TMEM114: variants seen among roughly 807,000 people sequenced by gnomAD.
The protein encoded by TMEM114 is transmembrane protein 114, also known as claudin-26.
Under a neutral mutation model 6.2 loss-of-function variants are expected in TMEM114, and 6 were observed. The observed-to-expected ratio is 0.97, with a 90% CI of 0.53 to 1.91. The LOEUF (loss-of-function observed/expected upper bound fraction) is 1.91, where lower values mean the gene tolerates loss of function less well. TMEM114 is among the 40% of genes most tolerant of loss of function. The pLI, the probability that TMEM114 is intolerant of heterozygous loss-of-function variation, is 0.01. For synonymous variants in TMEM114, 104 were observed against 73.0 expected, an observed-to-expected ratio of 1.42 and a Z score of -2.16; for missense variants, 218 against 158.3, an observed-to-expected ratio of 1.38 and a Z score of -2.02.
the TMEM114 span, among the ~76,000 whole-genome samples, chr16:8,531,162 A>G: frequency 6.6e-6 from 1 of 152,250 alleles, no homozygotes; most frequent in South Asian, 2.1e-4. Flanking sequence ...ACTACTCTTT[A>G]TATAGTTACT....
chr16:8,535,880 C>A (rs913387654), downstream of TMEM114, among the ~76,000 whole-genome samples: 1 of 152,136 alleles, frequency 6.6e-6, no homozygotes, highest in Non-Finnish European at 1.5e-5. Flanking sequence ...CGATCCTGAG[C>A]AAGTGTCTTA....
chr16:8,554,680 A>G (rs1443144612), intron 2 of TMEM114, among the ~76,000 whole-genome samples: 1 of 123,158 alleles, frequency 8.1e-6, no homozygotes, highest in African/African-American at 3.2e-5. Flanking sequence ...GAGTGAGGCC[A>G]GGTTCAAAAT....
At chr16:8,584,486 T>C (rs999155419) in intron 2 of TMEM114, among the ~76,000 whole-genome samples, 1 of 152,170 alleles carries the variant, frequency 6.6e-6, no homozygotes, top group African/African-American at 2.4e-5. Flanking sequence ...CCTGTTTCAT[T>C]GAAAACTTCT....
chr16:8,589,870 C>T lies in TMEM114; in HGVS notation c.-32G>A, dbSNP rs1469640508. The T allele has an allele frequency of 1.3e-5, 5 of 395,842 alleles. No homozygotes were observed. Among genetic ancestry groups the T allele is most frequent in the Non-Finnish European group, 2.2e-5 (5 of 224,350 alleles). The allele number at this position is 395,842 out of a possible 1,614,324, so 24.5% of individuals were successfully genotyped here. A position where few individuals can be genotyped will look rare whatever the true frequency, so the allele number is the denominator to read the frequency against. On this transcript the variant is annotated 5_prime_UTR_variant, in exon 1 of 4. Coordinates refer to ENST00000620492, the MANE Select transcript of TMEM114 (RefSeq NM_001146336.2). ...GCCCAGGACCAGCAGCCGCGGGTTC[C>T]AGTGGCCGCGGCGCGACCCCTCTGC...
the TMEM114 span, chr16:8,532,126 A>G: frequency 2.6e-5 from 4 of 152,342 alleles, no homozygotes; most frequent in Non-Finnish European, 5.9e-5. Context: ...GTTCAGCTCC[A>G]ACACACCAAT....
chr16:8,527,857 C>T, the TMEM114 span, among the ~76,000 whole-genome samples: 1 of 152,150 alleles, frequency 6.6e-6, no homozygotes, highest in Non-Finnish European at 1.5e-5. Flanking sequence ...TTATTTCCCC[C>T]TCCTCATCAC....
intron 2 of TMEM114, among the ~76,000 whole-genome samples, chr16:8,561,982 G>A (rs1901235125): frequency 6.6e-6 from 1 of 151,742 alleles, no homozygotes. Flanking sequence ...GTGAGTGAAT[G>A]AGTGAGTATA....
intron 2 of TMEM114, among the ~76,000 whole-genome samples, chr16:8,562,161 T>C (rs766793748): frequency 4.0e-5 from 6 of 150,674 alleles, no homozygotes; most frequent in African/African-American, 7.4e-5. Context: ...AATAAGTGAG[T>C]TAGTGAATGA....
chr16:8,561,974 GAGTGAATGAGTGAGTA>G (rs1901234200), intron 2 of TMEM114, among the ~76,000 whole-genome samples: 1 of 151,338 alleles, frequency 6.6e-6, no homozygotes, highest in African/African-American at 2.5e-5. Context: ...GGGAATGAGT[GAGTGAATGAGTGAGTA>G]TATGAATGAG....
At chr16:8,565,287 C>T (rs952492056), downstream of TMEM114, among the ~76,000 whole-genome samples, 8 of 151,984 alleles carry the variant, frequency 5.3e-5, no homozygotes, top group African/African-American at 1.9e-4. Context: ...AGACTGAATG[C>T]GTGCATGAAT....
intron 2 of TMEM114, among the ~76,000 whole-genome samples, chr16:8,558,795 C>T (rs180956195): frequency 6.6e-6 from 1 of 151,460 alleles, no homozygotes; most frequent in Non-Finnish European, 1.5e-5. Flanking sequence ...GGCTGGAGTG[C>T]AATGGCATGA....
chr16:8,577,318 C>G (rs936471259), intron 2 of TMEM114, among the ~76,000 whole-genome samples: 3 of 152,194 alleles, frequency 2.0e-5, no homozygotes, highest in Non-Finnish European at 4.4e-5. Context: ...GGGACAGCTA[C>G]TGCGCTGGAC....
At chr16:8,563,197 ATGAG>A (rs1901343745) in intron 2 of TMEM114, among the ~76,000 whole-genome samples, 3 of 147,458 alleles carry the variant, frequency 2.0e-5, no homozygotes, top group Admixed American at 6.7e-5. Context: ...GAGTGAATGA[ATGAG>A]TGAATGAGTG....
chr16:8,570,555 C>T (rs996103653), intron 3 of TMEM114, among the ~76,000 whole-genome samples: 1 of 152,160 alleles, frequency 6.6e-6, no homozygotes, highest in African/African-American at 2.4e-5. Flanking sequence ...TGGTCTCAAA[C>T]TCCTGACCTC....
rs1901671336 is a variant in TMEM114, at chr16:8,569,895, T to C, written c.550A>G (p.Ser184Gly). Residue 184 changes from serine (S) to glycine (G), a missense_variant, in exon 4 of 4, where the codon AGC becomes GGC. Transcript: ENST00000620492. ...EKALLDQVDI[S>G]FGWSLALGWI... ...CCCAGGGCCAGGGACCAGCCGAAGC[T>C]GATGTCCACCTGGTCCAGGAGGGCC... The C allele has an allele frequency of 3.2e-6, 5 of 1,551,114 alleles. No homozygotes were observed. The South Asian group carries it at 5.9e-5, about 18-fold the overall frequency.
chr16:8,571,947 C>G, intron 3 of TMEM114, 140 bp downstream of exon 3: 1 of 1,121,850 alleles, frequency 8.9e-7, no homozygotes, highest in Non-Finnish European at 1.2e-6. Context: ...CCACTCATCT[C>G]TTCCAACTGA....
intron 2 of TMEM114, among the ~76,000 whole-genome samples, chr16:8,563,585 G>A (rs981657733): frequency 1.2e-4 from 16 of 136,364 alleles, no homozygotes; most frequent in South Asian, 4.8e-4. Context: ...AAATGAGTGA[G>A]TGAATGAGTG....
rs190160655 is a variant in TMEM114 at position 8,579,913 on chromosome 16, C to A, written c.302-7689G>T. Among the ~76,000 whole-genome samples the A allele has an allele frequency of 5.9e-5, 9 of 152,218 alleles. No homozygotes were observed. The East Asian group carries it at 7.7e-4, about 13-fold the overall frequency. On this transcript the variant is annotated intron_variant, in intron 2 of 3. Coordinates refer to ENST00000620492, the MANE Select transcript of TMEM114 (RefSeq NM_001146336.2). Reference sequence around the variant, plus strand: ...CGTACTCCAGCTTGAGAAGTTAAAGCCTTCCTGAGTGGGGAGAGGTCTCAG... The same window carrying A: ...CGTACTCCAGCTTGAGAAGTTAAAGACTTCCTGAGTGGGGAGAGGTCTCAG...
chr16:8,557,945 T>C (rs929440498), intron 2 of TMEM114, among the ~76,000 whole-genome samples: 2 of 152,186 alleles, frequency 1.3e-5, no homozygotes, highest in Non-Finnish European at 2.9e-5. Context: ...CTCACAATTC[T>C]GAAGGTCCAA....
Sources: gnomAD v4.1 joint callset for allele counts (sites outside exome capture counted in the v4.1 genomes callset) on GRCh38, gnomAD v4.1.1 for gene constraint, MANE v1.5 for transcripts, NCBI Gene and HGNC (gene_info 2026-07-23, HGNC 2026-07-21) for gene names.